NRCAM: variants seen among roughly 807,000 people sequenced by gnomAD.
The protein encoded by NRCAM is NgCAM-related cell adhesion molecule.
A neutral mutation model predicts 156.5 loss-of-function variants in NRCAM; 83 were observed. The ratio of observed to expected loss-of-function variants is 0.53; its 90% CI spans 0.44 to 0.64. The LOEUF is 0.64. NRCAM is among the 30% of genes least tolerant of loss of function. The pLI is 0.00. For synonymous variants in NRCAM, 538 were observed against 563.9 expected (o/e 0.95, Z 0.65); for missense variants, 1,417 against 1,597.3 (o/e 0.89, Z 1.92).
At chr7:108,272,687 A>G (rs1233567821) in intron 3 of NRCAM, among the ~76,000 whole-genome samples, 1 of 151,940 alleles carries the variant, frequency 6.6e-6, no homozygotes, top group Non-Finnish European at 1.5e-5. Flanking sequence ...CTTTGATTAT[A>G]TATATTTATA....
At chr7:108,291,009 C>A (rs894515390) in intron 3 of NRCAM, among the ~76,000 whole-genome samples, 1 of 152,144 alleles carries the variant, frequency 6.6e-6, no homozygotes, top group Non-Finnish European at 1.5e-5. Flanking sequence ...AGAAATCTTT[C>A]AGAGAAAATG....
chr7:108,176,559 C>T lies in NRCAM; in HGVS notation c.3022G>A (p.Ala1008Thr), dbSNP rs1349130913. The T allele has an allele frequency of 1.9e-6, 3 of 1,613,590 alleles. No individual in the cohort carries two copies. The South Asian group carries it at 3.3e-5, about 18-fold the overall frequency. ...TTTAAAGTCCACCGTGTCTTGTTGGCAGGAATTTTCAAATCTACCAGAGGG... is the reference window on the plus strand; with the variant it reads ...TTTAAAGTCCACCGTGTCTTGTTGGTAGGAATTTTCAAATCTACCAGAGGG... Reference protein sequence around the residue: ...LGPLVDLKIPANKTRWTLKNL... With the variant: ...LGPLVDLKIPTNKTRWTLKNL... The change falls in exon 27 of 33, where the codon GCC becomes ACC. Residue 1008 changes from alanine to threonine, a missense_variant. Transcript: ENST00000379028.
At chr7:108,242,378 TC>T (rs1469975654) in intron 3 of NRCAM, among the ~76,000 whole-genome samples, 1 of 152,140 alleles carries the variant, frequency 6.6e-6, no homozygotes, top group Admixed American at 6.6e-5. Context: ...GAAATGTCTT[TC>T]CATATTATAA....
At chr7:108,335,434 C>CTT (rs58975301) in intron 2 of NRCAM, among the ~76,000 whole-genome samples, 2,235 of 69,786 alleles carry the variant, frequency 0.032, 202 homozygotes, top group Middle Eastern at 0.068. Context: ...GTTCCACCTG[C>CTT]TTTTTTTTTT....
At chr7:108,242,861 T>A (rs2095627979) in intron 3 of NRCAM, among the ~76,000 whole-genome samples, 1 of 152,230 alleles carries the variant, frequency 6.6e-6, no homozygotes, top group African/African-American at 2.4e-5. Context: ...TCATGTATTT[T>A]GTCTGGATGT....
intron 10 of NRCAM, among the ~76,000 whole-genome samples, chr7:108,224,238 G>A (rs2092998575): frequency 6.6e-6 from 1 of 152,016 alleles, no homozygotes; most frequent in South Asian, 2.1e-4. Flanking sequence ...TCTATCTTCT[G>A]GAAGATGTTA....
chr7:108,250,381 G>A (rs2096258741), intron 3 of NRCAM, among the ~76,000 whole-genome samples: 2 of 140,308 alleles, frequency 1.4e-5, no homozygotes, highest in South Asian at 2.3e-4. Context: ...AGCCAAGATC[G>A]TGCCATGGCA....
At chr7:108,302,064 A>C (rs1171319873) in intron 3 of NRCAM, among the ~76,000 whole-genome samples, 3 of 151,712 alleles carry the variant, frequency 2.0e-5, no homozygotes, top group East Asian at 1.9e-4. Context: ...AAAAAAAAAA[A>C]CCCACAACAA....
At chr7:108,156,815 C>G (rs372480364) in intron 32 of NRCAM, among the ~76,000 whole-genome samples, 7 of 152,026 alleles carry the variant, frequency 4.6e-5, no homozygotes, top group Non-Finnish European at 7.4e-5. Flanking sequence ...GAGACAGGAA[C>G]CTGGTGATCT....
At chr7:108,188,672 T>C (rs2068884763) in intron 20 of NRCAM, among the ~76,000 whole-genome samples, 1 of 149,506 alleles carries the variant, frequency 6.7e-6, no homozygotes, top group African/African-American at 2.5e-5. Context: ...TCTAACCAGC[T>C]AACTCTGGCT....
intron 13 of NRCAM, among the ~76,000 whole-genome samples, chr7:108,201,043 G>A (rs2077765260): frequency 6.6e-6 from 1 of 152,080 alleles, no homozygotes; most frequent in African/African-American, 2.4e-5. Context: ...TGTGTACACT[G>A]CTCGGGTGGC....
chr7:108,272,504 G>T (rs1443954096), intron 3 of NRCAM, among the ~76,000 whole-genome samples: 1 of 152,142 alleles, frequency 6.6e-6, no homozygotes, highest in Admixed American at 6.5e-5. Flanking sequence ...AAGTGTAAAT[G>T]TTTGTACGTT....
intron 2 of NRCAM, among the ~76,000 whole-genome samples, chr7:108,399,114 A>G (rs368276218): frequency 1.3e-5 from 2 of 152,142 alleles, no homozygotes; most frequent in Non-Finnish European, 2.9e-5. Context: ...CCCTAAATAC[A>G]TAAGAAATTT....
At chr7:108,268,530 A>T (rs1465367361) in intron 3 of NRCAM, among the ~76,000 whole-genome samples, 2 of 149,616 alleles carry the variant, frequency 1.3e-5, no homozygotes, top group Non-Finnish European at 3.0e-5. Context: ...CATGCTTCTG[A>T]AAGTGCCTAA....
chr7:108,181,732 A>G, intron 24 of NRCAM, 90 bp downstream of exon 24: 1 of 757,982 alleles, frequency 1.3e-6, no homozygotes, highest in Non-Finnish European at 2.1e-6. Context: ...CAATGAAACA[A>G]ATAAGCCCCA....
chr7:108,281,387 G>C (rs1366450712), intron 3 of NRCAM, among the ~76,000 whole-genome samples: 1 of 152,140 alleles, frequency 6.6e-6, no homozygotes, highest in Non-Finnish European at 1.5e-5. Flanking sequence ...TATAGTAGGG[G>C]AGATAACAGG....
At chr7:108,190,355 C>A (rs547483303) in intron 19 of NRCAM, among the ~76,000 whole-genome samples, 7 of 152,294 alleles carry the variant, frequency 4.6e-5, no homozygotes, top group African/African-American at 1.7e-4. Flanking sequence ...AGAAGCATGT[C>A]TGCCTCTTCT....
intron 5 of NRCAM, among the ~76,000 whole-genome samples, chr7:108,236,274 A>G (rs781403148): frequency 4.6e-5 from 7 of 152,170 alleles, no homozygotes; most frequent in Non-Finnish European, 8.8e-5. Context: ...CTTTTACTAA[A>G]TATTCAAATA....
intron 27 of NRCAM, 111 bp downstream of exon 27, chr7:108,176,319 C>T (rs1470786646): frequency 2.6e-5 from 23 of 891,114 alleles, no homozygotes; most frequent in East Asian, 4.9e-5. Flanking sequence ...TAAGTGTTTG[C>T]GTTAATCAGG....
Sources: allele counts gnomAD v4.1 joint callset (sites outside exome capture counted in the v4.1 genomes callset), GRCh38; gene constraint gnomAD v4.1.1; transcripts MANE v1.5; gene names NCBI Gene and HGNC (gene_info 2026-07-23, HGNC 2026-07-21).